OLFML1: variants seen among roughly 807,000 people sequenced by gnomAD.
OLFML1 encodes olfactomedin-like protein 1.
Under a neutral mutation model 37.3 loss-of-function variants are expected in OLFML1, and 33 were observed. The ratio of observed to expected loss-of-function variants is 0.88; its 90% confidence interval spans 0.67 to 1.18. OLFML1 has a LOEUF of 1.18. Among genes scored for constraint, OLFML1 ranks in the 50% most tolerant of loss-of-function variants. OLFML1 has a pLI of 0.00. For missense variants in OLFML1, 545 were observed against 483.7 expected, an observed-to-expected ratio of 1.13 and a Z score of -1.19; for synonymous variants, 186 against 181.3, an observed-to-expected ratio of 1.03 and a Z score of -0.21.
intron 2 of OLFML1, among the ~76,000 whole-genome samples, chr11:7,492,016 C>A (rs556529504): frequency 6.6e-6 from 1 of 152,294 alleles, no homozygotes; most frequent in South Asian, 2.1e-4. Context: ...TCACCTTTGT[C>A]TTACAATGTA....
rs117297258 is a variant in OLFML1, at chr11:7,510,113, G to A, written c.1134G>A (p.Lys378=). 10,076 of 1,614,142 alleles carry A rather than the reference G, an allele frequency of 6.2e-3. 178 individuals are homozygous for A. In the Admixed American group the frequency reaches 0.069, roughly 11 times the overall value. ...HSMIHYNPRD[K]QLYAWNEGNQ... ...TGATCCATTACAACCCCAGAGATAA[G>A]CAGCTCTATGCCTGGAATGAAGGAA... Residue 378 remains lysine (K), a synonymous_variant, in exon 3 of 3, where the codon AAG becomes AAA. Transcript: ENST00000329293.
In OLFML1 at chr11:7,488,272, T is replaced by A; in HGVS notation, c.275T>A (p.Val92Asp). ...GCAGTGGGTAACTTGGCACTGAGAG[T>A]TGAACGTGCCCAACGGGAGATTGAC... is the stretch of plus-strand genomic sequence containing the variant. ...KSAVGNLALR[V>D]ERAQREIDYI... The change falls in exon 2 of 3, where the codon GTT becomes GAT. Residue 92 changes from valine (V) to aspartate (D), a missense_variant. By Grantham distance (152) the Val-to-Asp change is radical (BLOSUM62 -3). Transcript: ENST00000329293. The A allele has an allele frequency of 1.2e-6, 2 of 1,613,768 alleles. No homozygotes were observed. Among genetic ancestry groups the A allele is most frequent in the Non-Finnish European group, 1.7e-6 (2 of 1,179,920 alleles).
rs148845380 is a variant in OLFML1, at chr11:7,488,739, G to C, written c.418+324G>C. On this transcript the variant is annotated intron_variant, in intron 2 of 2. Coordinates refer to ENST00000329293, the MANE Select transcript of OLFML1 (RefSeq NM_198474.4). The stretch of plus-strand genomic sequence containing the variant: ...ATGTGTGGTCCCAGATTTTTTCAGG[G>C]AAAGTAGCAGTTTGGTGGATTCTAC... The C allele has an allele frequency of 4.0e-3, 737 of 182,958 alleles. 6 individuals are homozygous for C. The highest frequency in any genetic ancestry group is 0.016 in the African/African-American group (687 of 42,400). The allele number at this position is 182,958 out of a possible 1,614,324, so 11.3% of individuals were successfully genotyped here.
intron 2 of OLFML1, among the ~76,000 whole-genome samples, chr11:7,505,290 T>C (rs1590063228): frequency 6.6e-6 from 1 of 152,114 alleles, no homozygotes; most frequent in East Asian, 1.9e-4. Context: ...CTCCTCAGAG[T>C]GCTCAGTTGT....
At chr11:7,500,684 ATAAT>A (rs1253978143) in intron 2 of OLFML1, among the ~76,000 whole-genome samples, 4 of 151,796 alleles carry the variant, frequency 2.6e-5, no homozygotes, top group African/African-American at 7.2e-5. Context: ...ACCAATATAT[ATAAT>A]TATTTATCAA....
chr11:7,507,689 C>A (rs532368494), intron 2 of OLFML1, among the ~76,000 whole-genome samples: 1 of 152,194 alleles, frequency 6.6e-6, no homozygotes, highest in African/African-American at 2.4e-5. Flanking sequence ...GCTGGGACTA[C>A]CGGCATGTGC....
intron 2 of OLFML1, among the ~76,000 whole-genome samples, chr11:7,495,228 CCT>C (rs940189726): frequency 3.1e-4 from 47 of 152,232 alleles, no homozygotes; most frequent in African/African-American, 1.1e-3. Context: ...CCCATTTCTC[CCT>C]GTTTCAGGGC....
intron 2 of OLFML1, among the ~76,000 whole-genome samples, chr11:7,493,719 T>A (rs1311380158): frequency 3.3e-5 from 5 of 152,270 alleles, no homozygotes; most frequent in Admixed American, 3.3e-4. Context: ...CTGTGGGCTA[T>A]GAGGATACCT....
chr11:7,488,482 A>G, intron 2 of OLFML1, 67 bp downstream of exon 2: 1 of 1,304,734 alleles, frequency 7.7e-7, no homozygotes, highest in Non-Finnish European at 1.1e-6. Context: ...ACAGACTCAG[A>G]GCAGTCAGGG....
At position 7,510,257 on chromosome 11, in the gene OLFML1, C is replaced by A; in HGVS notation, c.*69C>A. On this transcript the variant is annotated 3_prime_UTR_variant, in exon 3 of 3. Transcript: ENST00000329293. Reference sequence around the variant, plus strand: ...TTCTACAGGACAGTGAGGCTATAGCCCCTTCACAATATAGTATCCCTCTAA... The same window carrying A: ...TTCTACAGGACAGTGAGGCTATAGCACCTTCACAATATAGTATCCCTCTAA... The A allele has an allele frequency of 3.2e-6, 4 of 1,244,934 alleles. No homozygotes were observed. The highest frequency in any genetic ancestry group is 2.2e-5 in the Admixed American group (1 of 44,934). The allele number at this position is 1,244,934 out of a possible 1,614,324, so 77.1% of individuals were successfully genotyped here.
At chr11:7,488,102 T>C (rs1437687006) in intron 1 of OLFML1, 25 bp from the exon 2 acceptor site, 1 of 1,568,598 alleles carries the variant, frequency 6.4e-7, no homozygotes, top group East Asian at 2.3e-5. Flanking sequence ...AAGCAATAAT[T>C]TGCAAATTTA....
chr11:7,494,979 T>C (rs768175409), intron 2 of OLFML1, among the ~76,000 whole-genome samples: 1 of 152,238 alleles, frequency 6.6e-6, no homozygotes, highest in Non-Finnish European at 1.5e-5. Flanking sequence ...CATTTCTTCA[T>C]TGACTTTCAA....
intron 2 of OLFML1, among the ~76,000 whole-genome samples, chr11:7,494,265 G>T (rs532461879): frequency 1.6e-4 from 24 of 152,396 alleles, no homozygotes; most frequent in African/African-American, 5.5e-4. Flanking sequence ...GAAAGAACCA[G>T]ACATGAGCTA....
At chr11:7,508,571 C>G (rs1043214983) in intron 2 of OLFML1, among the ~76,000 whole-genome samples, 27 of 152,110 alleles carry the variant, frequency 1.8e-4, no homozygotes, top group African/African-American at 6.5e-4. Context: ...AGTCCTGTAC[C>G]TAATAAGAAA....
intron 2 of OLFML1, among the ~76,000 whole-genome samples, chr11:7,496,711 A>G (rs560589030): frequency 1.3e-5 from 2 of 152,274 alleles, no homozygotes; most frequent in African/African-American, 4.8e-5. Flanking sequence ...AGGAAAAAAA[A>G]AACACTATGC....
chr11:7,486,007 A>G lies in OLFML1; in HGVS notation c.129+3A>G. On this transcript the variant is annotated splice_donor_region_variant and intron_variant, in intron 1 of 2. Transcript: ENST00000329293. ...ACCAGCGCTTTCGAGTCTTGGAGGT[A>G]GGTGGCATCTGTACACCTTGGATAA... The G allele has an allele frequency of 6.2e-7, 1 of 1,613,800 alleles. No individual in the cohort carries two copies. Among genetic ancestry groups the G allele is most frequent in the Non-Finnish European group, 8.5e-7 (1 of 1,179,752 alleles).
chr11:7,503,079 C>A (rs959483819), intron 2 of OLFML1, among the ~76,000 whole-genome samples: 4 of 152,110 alleles, frequency 2.6e-5, no homozygotes, highest in African/African-American at 9.7e-5. Context: ...CTGCTTTGGA[C>A]AGGTTAAGTT....
At chr11:7,500,065 G>C (rs1848702988) in intron 2 of OLFML1, among the ~76,000 whole-genome samples, 1 of 151,958 alleles carries the variant, frequency 6.6e-6, no homozygotes, top group African/African-American at 2.4e-5. Flanking sequence ...ACTAATTTTT[G>C]TATTTTTTGT....
chr11:7,503,752 A>G (rs185049895), intron 2 of OLFML1, among the ~76,000 whole-genome samples: 1 of 152,294 alleles, frequency 6.6e-6, no homozygotes, highest in Admixed American at 6.5e-5. Context: ...TCAGGTGATA[A>G]GTTCTTGAGT....
Sources: gnomAD v4.1 joint callset for allele counts (sites outside exome capture counted in the v4.1 genomes callset) on GRCh38, gnomAD v4.1.1 for gene constraint, MANE v1.5 for transcripts, NCBI Gene and HGNC (gene_info 2026-07-23, HGNC 2026-07-21) for gene names.